RIT2: variants seen among roughly 807,000 people sequenced by gnomAD.
RIT2 encodes Ras like without CAAX 2, also known as GTP-binding protein Rit2.
A neutral mutation model predicts 23.7 loss-of-function variants in RIT2; 24 were observed. The ratio of observed to expected loss-of-function variants is 1.01; its 90% confidence interval spans 0.73 to 1.43. The LOEUF is 1.43. Ranked by LOEUF, RIT2 falls within the 40% of genes most tolerant of loss-of-function variation. RIT2 has a pLI of 0.00. For synonymous variants in RIT2, 107 were observed against 91.1 expected (o/e 1.17, Z -0.99); for missense variants, 236 against 266.9 (o/e 0.88, Z 0.81).
chr18:42,967,125 TATC>T (rs1247838636), intron 3 of RIT2, among the ~76,000 whole-genome samples: 4 of 151,990 alleles, frequency 2.6e-5, no homozygotes, highest in African/African-American at 9.7e-5. Flanking sequence ...TTGTGAAAAA[TATC>T]ATAAAGGATA....
chr18:43,100,376 A>G (rs1913655258), intron 1 of RIT2, among the ~76,000 whole-genome samples: 1 of 152,156 alleles, frequency 6.6e-6, no homozygotes, highest in Non-Finnish European at 1.5e-5. Context: ...TAGAGAGAGC[A>G]AGAGGGAGGT....
chr18:42,893,504 G>A (rs1252560186), intron 4 of RIT2, among the ~76,000 whole-genome samples: 1 of 152,100 alleles, frequency 6.6e-6, no homozygotes, highest in African/African-American at 2.4e-5. Flanking sequence ...ACAGCAGAGA[G>A]CCTTGATGAC....
chr18:43,035,320 G>A (rs1425973685), intron 1 of RIT2, among the ~76,000 whole-genome samples: 2 of 152,132 alleles, frequency 1.3e-5, no homozygotes, highest in African/African-American at 2.4e-5. Context: ...GCAAATCAAC[G>A]TTCCTTACAG....
intron 4 of RIT2, among the ~76,000 whole-genome samples, chr18:42,763,394 G>A (rs371853901): frequency 1.7e-4 from 26 of 151,996 alleles, no homozygotes; most frequent in African/African-American, 6.3e-4. Flanking sequence ...CCTGGGAGAT[G>A]GAGCTTGCAG....
intron 4 of RIT2, among the ~76,000 whole-genome samples, chr18:42,794,039 G>A (rs1914100279): frequency 6.6e-6 from 1 of 150,882 alleles, no homozygotes; most frequent in African/African-American, 2.4e-5. Context: ...TAAATTTTCT[G>A]TGCTCCCAAG....
chr18:43,063,319 C>T (rs906667762), intron 1 of RIT2, among the ~76,000 whole-genome samples: 7 of 152,112 alleles, frequency 4.6e-5, no homozygotes, highest in African/African-American at 9.7e-5. Context: ...GTTCTATGCC[C>T]GTAGCCTGGT....
chr18:43,049,455 A>T (rs867919198), intron 1 of RIT2, among the ~76,000 whole-genome samples: 9 of 152,160 alleles, frequency 5.9e-5, no homozygotes, highest in African/African-American at 2.2e-4. Context: ...ACTGCACGAC[A>T]GCTAGGTCCT....
chr18:42,850,889 C>A (rs1907037253), intron 4 of RIT2, among the ~76,000 whole-genome samples: 1 of 152,146 alleles, frequency 6.6e-6, no homozygotes, highest in African/African-American at 2.4e-5. Context: ...TAGGCATTCT[C>A]TTTATGACTT....
intron 4 of RIT2, among the ~76,000 whole-genome samples, chr18:42,877,308 G>A (rs978854711): frequency 6.6e-6 from 1 of 151,432 alleles, no homozygotes; most frequent in Admixed American, 6.6e-5. Flanking sequence ...AGAGATCTTT[G>A]TTATTTTCAG....
intron 4 of RIT2, among the ~76,000 whole-genome samples, chr18:42,844,132 T>C (rs1906843610): frequency 6.6e-6 from 1 of 152,148 alleles, no homozygotes; most frequent in Admixed American, 6.5e-5. Flanking sequence ...TTGGCCAGAC[T>C]CTCTGGGCAC....
intron 4 of RIT2, among the ~76,000 whole-genome samples, chr18:42,758,948 C>T (rs1228917745): frequency 6.6e-6 from 1 of 152,174 alleles, no homozygotes; most frequent in Non-Finnish European, 1.5e-5. Flanking sequence ...CCTACAGTTC[C>T]CAAGCCCTCA....
Position 42,763,001 on chromosome 18 carries a change from G to A in RIT2, c.427-19281C>T, listed in dbSNP as rs752735391. 2.0e-5 allele frequency among the ~76,000 whole-genome samples: 3 copies of A among 152,036 alleles called. No individual in the cohort carries two copies. In the East Asian group the frequency reaches 5.8e-4, roughly 29 times the overall value. On this transcript the variant is annotated intron_variant, in intron 4 of 4. Coordinates refer to ENST00000326695, the MANE Select transcript of RIT2 (RefSeq NM_002930.4). ...AAACATCATAGACACAAACTTAGAC[G>A]GTACAACTTACTATATACCTAAGCT... is the stretch of plus-strand genomic sequence containing the variant.
chr18:42,965,711 CTTTTTTTTTTTTTTTTTTTTTT>C (rs58344278), intron 3 of RIT2, among the ~76,000 whole-genome samples: 2 of 37,770 alleles, frequency 5.3e-5, no homozygotes, highest in Non-Finnish European at 1.1e-4. Context: ...GTACTGATGG[CTTTTTTTTTTTTTTTTTTTTTT>C]TTTTTTTTTT....
intron 2 of RIT2, among the ~76,000 whole-genome samples, chr18:43,014,935 T>G (rs1000127915): frequency 6.6e-6 from 1 of 151,788 alleles, no homozygotes; most frequent in African/African-American, 2.4e-5. Context: ...GCATGTAGAA[T>G]AGCCAGATGA....
intron 4 of RIT2, among the ~76,000 whole-genome samples, chr18:42,775,356 T>C (rs986478159): frequency 3.9e-5 from 6 of 152,162 alleles, no homozygotes; most frequent in African/African-American, 1.2e-4. Context: ...ATCAACTATG[T>C]GTCCAGAAGG....
chr18:42,899,970 T>TTA (rs1261353112), intron 4 of RIT2, among the ~76,000 whole-genome samples: 1 of 152,076 alleles, frequency 6.6e-6, no homozygotes, highest in East Asian at 1.9e-4. Context: ...AGCAAGTTAG[T>TTA]TTAATAAGTA....
chr18:43,045,769 AT>A lies in RIT2; in HGVS notation c.104-11903del, dbSNP rs529729909. On this transcript the variant is annotated intron_variant, in intron 1 of 4. Coordinates refer to ENST00000326695, the MANE Select transcript of RIT2 (RefSeq NM_002930.4). ...AACTTCCCATTTTGTGCCTTGTATC[AT>A]GAATGTGTTTGGCTTCCTAGACTCT... is the stretch of plus-strand genomic sequence containing the variant. 3.7e-3 allele frequency among the ~76,000 whole-genome samples: 563 copies of A among 152,184 alleles called. 3 individuals are homozygous for A. The highest frequency in any genetic ancestry group is 0.012 in the African/African-American group (478 of 41,540).
chr18:42,747,531 A>G (rs1912946643), intron 4 of RIT2, among the ~76,000 whole-genome samples: 2 of 152,140 alleles, frequency 1.3e-5, no homozygotes, highest in African/African-American at 4.8e-5. Context: ...TCTTCACAGA[A>G]CTAGAAAAAA....
At chr18:42,766,880 C>A (rs1221453701) in intron 4 of RIT2, among the ~76,000 whole-genome samples, 1 of 152,206 alleles carries the variant, frequency 6.6e-6, no homozygotes, top group African/African-American at 2.4e-5. Flanking sequence ...GGCTTCAGAG[C>A]GTGGAAGCCC....
Sources: gnomAD v4.1 joint callset for allele counts (sites outside exome capture counted in the v4.1 genomes callset) on GRCh38, gnomAD v4.1.1 for gene constraint, MANE v1.5 for transcripts, NCBI Gene and HGNC (gene_info 2026-07-23, HGNC 2026-07-21) for gene names.